The following TACC2 variants were observed in gnomAD, a reference collection of about 807,000 sequenced individuals.
The protein encoded by TACC2 is transforming acidic coiled-coil containing protein 2, also known as transforming acidic coiled-coil-containing protein 2.
TACC2 carries 137 observed loss-of-function variants against 227.3 expected under a neutral mutation model. That is an observed-to-expected ratio of 0.60 (90% CI 0.52 to 0.69). The LOEUF is 0.69. Among genes scored for constraint, TACC2 ranks in the 30% least tolerant of loss-of-function variants. The pLI is 0.00. For missense variants in TACC2, 3,470 were observed against 3,694.4 expected (o/e 0.94, Z 1.57); for synonymous variants, 1,523 against 1,487.5 (o/e 1.02, Z -0.55).
intron 3 of TACC2, among the ~76,000 whole-genome samples, chr10:122,069,989 T>C (rs1254311759): frequency 1.3e-5 from 2 of 152,212 alleles, no homozygotes; most frequent in African/African-American, 4.8e-5. Context: ...GTCTTTGACA[T>C]TGAGCCAGCT....
At chr10:122,230,219 G>C in intron 15 of TACC2, 132 bp from the exon 16 acceptor site, 3 of 735,446 alleles carry the variant, frequency 4.1e-6, no homozygotes, top group South Asian at 1.5e-5. Flanking sequence ...GTGAGAGAAA[G>C]GCGGAGCGCG....
chr10:122,042,230 C>T (rs2074381202), intron 2 of TACC2, among the ~76,000 whole-genome samples: 1 of 151,816 alleles, frequency 6.6e-6, no homozygotes, highest in African/African-American at 2.4e-5. Flanking sequence ...CAGGCGTAAG[C>T]CACTGCACAT....
At chr10:122,134,725 T>G (rs575605905) in intron 6 of TACC2, among the ~76,000 whole-genome samples, 1 of 152,274 alleles carries the variant, frequency 6.6e-6, no homozygotes, top group Non-Finnish European at 1.5e-5. Context: ...TAGCAAAGCC[T>G]GGAAGGGAGC....
intron 13 of TACC2, among the ~76,000 whole-genome samples, chr10:122,226,770 AG>A (rs2095637707): frequency 6.6e-6 from 1 of 152,200 alleles, no homozygotes. Flanking sequence ...GAATGTCCAC[AG>A]GGACATAAAC....
chr10:122,131,448 G>T (rs2088088642), intron 5 of TACC2, among the ~76,000 whole-genome samples: 1 of 152,172 alleles, frequency 6.6e-6, no homozygotes, highest in South Asian at 2.1e-4. Flanking sequence ...CTAGCTTCCT[G>T]AGCCACCCTG....
At chr10:122,046,533 G>A (rs1487952932) in intron 2 of TACC2, among the ~76,000 whole-genome samples, 6 of 151,966 alleles carry the variant, frequency 3.9e-5, no homozygotes, top group Non-Finnish European at 8.8e-5. Context: ...GAGAAGTGGA[G>A]CTGAAAAGGG....
At position 122,082,952 on chromosome 10, in the gene TACC2, C is replaced by T. The variant is rs78149003; in HGVS notation, c.452C>T (p.Ala151Val). The T allele has an allele frequency of 6.2e-3, 10,020 of 1,612,914 alleles. 235 individuals carry two copies. In the African/African-American group the frequency reaches 0.064, roughly 10 times the overall value. Residue 151 changes from alanine (A) to valine (V), a missense_variant, in exon 4 of 23, where the codon GCG (alanine) becomes GTG (valine). Physicochemically the swap from Ala to Val is moderately conservative, Grantham distance 64. Transcript: ENST00000369005. The stretch of plus-strand genomic sequence containing the variant: ...GCCCCAAATGCCCCAGGAGACATCG[C>T]GGCGGCATTTCCCGCTGAGAGGGAC... ...EPAPNAPGDI[A>V]AAFPAERDSS...
intron 18 of TACC2, among the ~76,000 whole-genome samples, chr10:122,240,544 A>G (rs2095966485): frequency 6.6e-6 from 1 of 152,198 alleles, no homozygotes; most frequent in Non-Finnish European, 1.5e-5. Context: ...GGTGGGGTCT[A>G]GGAAAATCCT....
At chr10:122,191,875 T>C (rs2094423086) in intron 7 of TACC2, among the ~76,000 whole-genome samples, 1 of 152,196 alleles carries the variant, frequency 6.6e-6, no homozygotes, top group African/African-American at 2.4e-5. Context: ...ACTTTGGGTT[T>C]TTTCTAGTAG....
At chr10:122,016,437 C>T (rs1591074044) in intron 1 of TACC2, among the ~76,000 whole-genome samples, 4 of 151,890 alleles carry the variant, frequency 2.6e-5, no homozygotes, top group African/African-American at 7.2e-5. Context: ...TGTGGTGGCA[C>T]GTTCCTGTAG....
chr10:122,194,364 G>T lies in TACC2; in HGVS notation c.5835-676G>T, dbSNP rs1300064161. On this transcript the variant is annotated intron_variant, in intron 7 of 22. Coordinates refer to ENST00000369005, the MANE Select transcript of TACC2 (RefSeq NM_206862.4). The surrounding 1 kb of genome is among the most constrained non-coding windows in gnomAD (Gnocchi z 4.4). ...AGAACAGACTTTCCTGCAGACCAGC[G>T]AGGGCCATTTTCACTGTGTCGGGGT... 1.3e-5 allele frequency among the ~76,000 whole-genome samples: 2 copies of T among 152,148 alleles called. No homozygotes were observed. The highest frequency in any genetic ancestry group is 2.4e-5 in the African/African-American group (1 of 41,444).
intron 19 of TACC2, among the ~76,000 whole-genome samples, chr10:122,243,627 A>C (rs1302695085): frequency 2.6e-5 from 4 of 152,156 alleles, no homozygotes; most frequent in African/African-American, 9.6e-5. Flanking sequence ...AAAAAAAAAA[A>C]CTCTTGGAGT....
intron 1 of TACC2, among the ~76,000 whole-genome samples, chr10:122,010,685 G>A (rs886551797): frequency 5.0e-4 from 76 of 152,288 alleles, no homozygotes; most frequent in African/African-American, 1.7e-3. Flanking sequence ...CTTCCCTCGT[G>A]TGGCATCCTT....
chr10:122,084,487 C>A lies in TACC2; in HGVS notation c.1987C>A (p.Leu663Met). The change falls in exon 4 of 23, where the codon CTG (leucine) becomes ATG (methionine). Residue 663 changes from leucine to methionine, a missense_variant. Leu to Met is a conservative substitution (Grantham distance 15, BLOSUM62 2). Around this residue, in one of 10 missense-constraint regions of TACC2, gnomAD observed 1,924 missense variants for 1,978.3 expected, o/e 0.97. Transcript: ENST00000369005. ...EADASGLPHK[L>M]GEEDPVLPPV... ...TGATGCATCTGGCCTACCACACAAG[C>A]TGGGTGAGGAGGACCCCGTCCTGCC... 1 of 1,613,368 alleles carries A rather than the reference C, an allele frequency of 6.2e-7. No homozygotes were observed. The highest frequency in any genetic ancestry group is 8.5e-7 in the Non-Finnish European group (1 of 1,180,014).
Position 122,132,625 on chromosome 10 carries a change from G to A in TACC2, c.5590G>A (p.Asp1864Asn), listed in dbSNP as rs893970982. 1.2e-6 allele frequency: 2 copies of A among 1,614,196 alleles called. No homozygotes were observed. The highest frequency in any genetic ancestry group is 1.7e-6 in the Non-Finnish European group (2 of 1,180,032). Residue 1864 changes from aspartate (D) to asparagine (N), a missense_variant, in exon 6 of 23, where the codon GAT becomes AAT. Asp to Asn is a conservative substitution (Grantham distance 23, BLOSUM62 1). Transcript: ENST00000369005. ...EGTESSPVAD[D>N]IIQPAAPADL... Reference sequence around the variant, plus strand: ...TCTCCCCAGTTCACCTGTGGCAGATGATATCATCCAGCCCGCTGCCCCCGC... The same window carrying A: ...TCTCCCCAGTTCACCTGTGGCAGATAATATCATCCAGCCCGCTGCCCCCGC...
Position 122,227,994 on chromosome 10 carries a change from G to A in TACC2, c.7882G>A (p.Glu2628Lys), listed in dbSNP as rs1361658773. ...LEAMGLGTPSEAIEITAPEGS... is the reference protein window; with the variant it reads ...LEAMGLGTPSKAIEITAPEGS... ...GGCCATGGGCTTGGGCACCCCTTCA[G>A]AAGCGATTGAAATTGTAAGTGGAGT... The change falls in exon 14 of 23, where the codon GAA (glutamate) becomes AAA (lysine). Residue 2628 changes from glutamate (E) to lysine (K), a missense_variant. Glu to Lys is a moderately conservative substitution (Grantham distance 56). Transcript: ENST00000369005. 1 of 1,613,062 alleles carries A rather than the reference G, an allele frequency of 6.2e-7. No homozygotes were observed. The highest frequency in any genetic ancestry group is 1.1e-5 in the South Asian group (1 of 91,020).
chr10:122,052,764 T>C (rs957415918), intron 3 of TACC2: 4 of 151,736 alleles, frequency 2.6e-5, no homozygotes, highest in Non-Finnish European at 5.9e-5. Context: ...AAAACATGAT[T>C]CTCCTCTATA....
intron 3 of TACC2, among the ~76,000 whole-genome samples, chr10:122,069,809 C>T (rs934812307): frequency 7.2e-5 from 11 of 152,156 alleles, no homozygotes; most frequent in African/African-American, 2.2e-4. Context: ...CAAGATGCCG[C>T]GGGCAAAGTT....
intron 16 of TACC2, among the ~76,000 whole-genome samples, chr10:122,230,909 A>AATACATAGTAAGTG (rs2095730392): frequency 6.6e-6 from 1 of 152,242 alleles, no homozygotes; most frequent in African/African-American, 2.4e-5. Context: ...CCTAATCAAT[A>AATACATAGTAAGTG]ATACATAGTA....
Sources: allele counts gnomAD v4.1 joint callset (sites outside exome capture counted in the v4.1 genomes callset), GRCh38; gene constraint gnomAD v4.1.1; regional missense constraint gnomAD v4.1.1; non-coding constraint Gnocchi (gnomAD v3.1); transcripts MANE v1.5; gene names NCBI Gene and HGNC (gene_info 2026-07-23, HGNC 2026-07-21).